The following PIK3R5 variants were observed in gnomAD, a reference collection of about 807,000 sequenced individuals.
The protein encoded by PIK3R5 is phosphoinositide 3-kinase regulatory subunit 5.
Under a neutral mutation model 94.9 loss-of-function variants are expected in PIK3R5, and 32 were observed. The ratio of observed to expected loss-of-function variants is 0.34; its 90% CI spans 0.25 to 0.45. The LOEUF (loss-of-function observed/expected upper bound fraction) is 0.45. Among genes scored for constraint, PIK3R5 ranks in the 20% least tolerant of loss-of-function variants. PIK3R5 has a pLI of 1.00. For synonymous variants in PIK3R5, 443 were observed against 479.4 expected, an observed-to-expected ratio of 0.92 and a Z score of 0.99; for missense variants, 853 against 1,144.6, an observed-to-expected ratio of 0.75 and a Z score of 3.68.
At chr17:8,914,408 A>G (rs2090592133) in intron 1 of PIK3R5, among the ~76,000 whole-genome samples, 1 of 152,178 alleles carries the variant, frequency 6.6e-6, no homozygotes. Flanking sequence ...TGCATTCTAA[A>G]GTTCTAAGAG....
chr17:8,934,892 A>G (rs980538460), intron 1 of PIK3R5, among the ~76,000 whole-genome samples: 3 of 152,096 alleles, frequency 2.0e-5, no homozygotes, highest in African/African-American at 7.2e-5. Context: ...AGCCCATAAC[A>G]TGGCTCACTG....
rs1311287585 is a variant in PIK3R5, at chr17:8,896,355, C to T, written c.413-2700G>A. Among the ~76,000 whole-genome samples, 1 of 152,180 alleles carries T rather than the reference C, an allele frequency of 6.6e-6. No homozygotes were observed. The highest frequency in any genetic ancestry group is 1.5e-5 in the Non-Finnish European group (1 of 68,032). Reference sequence around the variant, plus strand: ...GCCTCAGATCCACAGACACCTCTCTCCCTTTGATCTTAGATCACACCCTTT... The same window carrying T: ...GCCTCAGATCCACAGACACCTCTCTTCCTTTGATCTTAGATCACACCCTTT... On this transcript the variant is annotated intron_variant, in intron 5 of 18. Transcript: ENST00000447110. The surrounding 1 kb of genome is among the most constrained non-coding windows in gnomAD (Gnocchi z 4.0).
In PIK3R5 at chr17:8,884,681, G is replaced by A. The variant is rs376425835; in HGVS notation, c.2205+26C>T. ...AAGTATCAGCAGCAGATCCTGGAGG[G>A]GAAGGAGCCCCAGCACGGGTCTTAC... is the stretch of plus-strand genomic sequence containing the variant. On this transcript the variant is annotated intron_variant, in intron 15 of 18. Transcript: ENST00000447110. This position sits in a 1 kb window ranked among gnomAD's most constrained non-coding sequence, Gnocchi z 5.8. 2.5e-6 allele frequency: 4 copies of A among 1,573,888 alleles called. No individual in the cohort carries two copies. In the African/African-American group the frequency reaches 5.4e-5, roughly 21 times the overall value.
At chr17:8,942,235 C>G (rs1221862025) in intron 1 of PIK3R5, among the ~76,000 whole-genome samples, 2 of 152,164 alleles carry the variant, frequency 1.3e-5, no homozygotes, top group African/African-American at 4.8e-5. Flanking sequence ...GACCCCAGGA[C>G]CTGTGCCCCT....
chr17:8,895,988 A>ATGTG (rs746840357), intron 5 of PIK3R5, among the ~76,000 whole-genome samples: 2 of 152,088 alleles, frequency 1.3e-5, no homozygotes, highest in Non-Finnish European at 2.9e-5. Context: ...CCTGCTTAGC[A>ATGTG]TGGGGTGTGG....
intron 5 of PIK3R5, among the ~76,000 whole-genome samples, chr17:8,897,646 T>A (rs1597385482): frequency 6.6e-6 from 1 of 152,214 alleles, no homozygotes; most frequent in African/African-American, 2.4e-5. Context: ...CTCGTTTTTT[T>A]ATGAGTGGGA....
In PIK3R5 at chr17:8,880,922, G is replaced by A; in HGVS notation, c.2478C>T (p.Ile826=). The part of the protein sequence containing the change: ...AVCLDQDERK[I]LQSVVRCEVS... ...TTTCCTACCTGACTACACTCTGCAGGATCTTTCTCTCATCCTGGTCCAGGC... is the reference window on the plus strand; with the variant it reads ...TTTCCTACCTGACTACACTCTGCAGAATCTTTCTCTCATCCTGGTCCAGGC... The change falls in exon 18 of 19, where the codon ATC becomes ATT. Residue 826 remains isoleucine (I), a synonymous_variant. Coordinates refer to ENST00000447110, the MANE Select transcript of PIK3R5 (RefSeq NM_001142633.3). 1 of 1,614,034 alleles carries A rather than the reference G, an allele frequency of 6.2e-7. No individual in the cohort carries two copies. Among genetic ancestry groups the A allele is most frequent in the East Asian group, 2.2e-5 (1 of 44,878 alleles).
rs1244815041 is a variant in PIK3R5, at chr17:8,881,518, T to TATGTGCACACATGCACACACATAC, written c.2382+88_2382+111dup. The stretch of plus-strand genomic sequence containing the variant: ...ACACAAGTATGTACACACGGGTGTG[T>TATGTGCACACATGCACACACATAC]ATGTGCACACATGCACACACATACA... On this transcript the variant is annotated intron_variant, in intron 17 of 18. Coordinates refer to ENST00000447110, the MANE Select transcript of PIK3R5 (RefSeq NM_001142633.3). This position sits in a 1 kb window ranked among gnomAD's most constrained non-coding sequence, Gnocchi z 4.8. 2.0e-5 allele frequency: 17 copies of TATGTGCACACATGCACACACATAC among 836,576 alleles called. No homozygotes were observed. The highest frequency in any genetic ancestry group is 7.9e-5 in the East Asian group (3 of 37,774). The allele number at this position is 836,576 out of a possible 1,614,324, so 51.8% of individuals were successfully genotyped here.
intron 1 of PIK3R5, among the ~76,000 whole-genome samples, chr17:8,946,223 C>A (rs1173713819): frequency 1.3e-5 from 2 of 152,028 alleles, no homozygotes; most frequent in African/African-American, 4.8e-5. Context: ...CTTACCGAGA[C>A]CAGGTCCATC....
rs1360861627 is a variant in PIK3R5 at position 8,879,410 on chromosome 17, A to C, written c.*1229T>G. 6.6e-6 allele frequency: 1 copy of C among 152,220 alleles called. No individual in the cohort carries two copies. The highest frequency in any genetic ancestry group is 1.5e-5 in the Non-Finnish European group (1 of 68,076). 9.4% of individuals were successfully genotyped at this position (152,220 alleles called of 1,614,324 possible). ...CCATGCACCAGTCCCATTTCCCCTG[A>C]GTCGGGCACTAAGCTCTGTGAGGCC... On this transcript the variant is annotated 3_prime_UTR_variant, in exon 19 of 19. Transcript: ENST00000447110. This position sits in a 1 kb window ranked among gnomAD's most constrained non-coding sequence, Gnocchi z 4.4.
intron 1 of PIK3R5, among the ~76,000 whole-genome samples, chr17:8,943,167 C>A (rs1378358851): frequency 1.3e-5 from 2 of 151,940 alleles, no homozygotes; most frequent in African/African-American, 2.4e-5. Context: ...CTTGAACTCC[C>A]AGGCTCAAAT....
intron 1 of PIK3R5, among the ~76,000 whole-genome samples, chr17:8,948,924 G>A (rs1337432982): frequency 6.6e-6 from 1 of 152,094 alleles, no homozygotes; most frequent in Non-Finnish European, 1.5e-5. Context: ...GGCTAATATG[G>A]GACAGGTGCC....
In PIK3R5 at chr17:8,884,969, C is replaced by G. The variant is rs1297988226; in HGVS notation, c.2129-186G>C. On this transcript the variant is annotated intron_variant, in intron 14 of 18. Coordinates refer to ENST00000447110, the MANE Select transcript of PIK3R5 (RefSeq NM_001142633.3). The surrounding 1 kb of genome is among the most constrained non-coding windows in gnomAD (Gnocchi z 5.8). Reference sequence around the variant, plus strand: ...TCCACGTTCTGGGGATCTCCACCTCCTCAGTGACCCCATCACTCCAGGGCC... The same window carrying G: ...TCCACGTTCTGGGGATCTCCACCTCGTCAGTGACCCCATCACTCCAGGGCC... The G allele has an allele frequency of 6.6e-5, 40 of 602,112 alleles. No individual in the cohort carries two copies. The highest frequency in any genetic ancestry group is 2.1e-5 in the Non-Finnish European group (7 of 333,242). 37.3% of individuals were successfully genotyped at this position (602,112 alleles called of 1,614,324 possible).
chr17:8,881,543 A>G lies in PIK3R5; in HGVS notation c.2382+87T>C, dbSNP rs930068036. Reference sequence around the variant, plus strand: ...TATGTGCACACATGCACACACATACATGTGCACACACACGTACACACATAC... The same window carrying G: ...TATGTGCACACATGCACACACATACGTGTGCACACACACGTACACACATAC... On this transcript the variant is annotated intron_variant, in intron 17 of 18. Coordinates refer to ENST00000447110, the MANE Select transcript of PIK3R5 (RefSeq NM_001142633.3). This position sits in a 1 kb window ranked among gnomAD's most constrained non-coding sequence, Gnocchi z 4.8. 44 of 989,266 alleles carry G rather than the reference A, an allele frequency of 4.4e-5. No homozygotes were observed. In the African/African-American group the frequency reaches 5.5e-4, roughly 12 times the overall value. 61.3% of individuals were successfully genotyped at this position (989,266 alleles called of 1,614,324 possible). A position where few individuals can be genotyped will look rare whatever the true frequency, so the allele number is the denominator to read the frequency against.
intron 1 of PIK3R5, among the ~76,000 whole-genome samples, chr17:8,959,275 G>A (rs923007236): frequency 9.9e-5 from 15 of 152,182 alleles, no homozygotes; most frequent in African/African-American, 3.6e-4. Flanking sequence ...CTCCCACAGG[G>A]AGCTGTGCTG....
intron 2 of PIK3R5, among the ~76,000 whole-genome samples, chr17:8,910,261 C>T (rs61759573): frequency 0.011 from 1,645 of 152,310 alleles, 13 homozygotes; most frequent in Non-Finnish European, 0.016. Context: ...TTCCAAAGTT[C>T]TAGAGGCTTC....
intron 1 of PIK3R5, among the ~76,000 whole-genome samples, chr17:8,921,402 T>C (rs543874262): frequency 3.7e-4 from 56 of 152,306 alleles, no homozygotes; most frequent in Admixed American, 7.2e-4. Context: ...ACATGTCATA[T>C]GTCATTCATT....
chr17:8,881,768 A>T lies in PIK3R5; in HGVS notation c.2299+20T>A, dbSNP rs764005711. On this transcript the variant is annotated intron_variant, in intron 16 of 18. Coordinates refer to ENST00000447110, the MANE Select transcript of PIK3R5 (RefSeq NM_001142633.3). The surrounding 1 kb of genome is among the most constrained non-coding windows in gnomAD (Gnocchi z 4.8). The stretch of plus-strand genomic sequence containing the variant: ...AGAGCACCTCCCTACTGCACACCCC[A>T]CACTGACCACCCCACTCACCCAGCT... The T allele has an allele frequency of 1.2e-6, 2 of 1,613,036 alleles. No individual in the cohort carries two copies. The highest frequency in any genetic ancestry group is 2.2e-5 in the South Asian group (2 of 91,036).
chr17:8,881,731 C>A lies in PIK3R5; in HGVS notation c.2300-19G>T, dbSNP rs963247494. ...CTGGAATCTGAGGGGCAAGGACACT[C>A]AGGCCAGGCTCAGAGCACCTCCCTA... On this transcript the variant is annotated intron_variant, in intron 16 of 18. Transcript: ENST00000447110. This position sits in a 1 kb window ranked among gnomAD's most constrained non-coding sequence, Gnocchi z 4.8. 6.2e-7 allele frequency: 1 copy of A among 1,613,754 alleles called. No homozygotes were observed. The highest frequency in any genetic ancestry group is 8.5e-7 in the Non-Finnish European group (1 of 1,179,716).
Sources: gnomAD v4.1 joint callset for allele counts (sites outside exome capture counted in the v4.1 genomes callset) on GRCh38, gnomAD v4.1.1 for gene constraint, Gnocchi (gnomAD v3.1) non-coding constraint, MANE v1.5 for transcripts, NCBI Gene and HGNC (gene_info 2026-07-23, HGNC 2026-07-21) for gene names.